Variants in LRP1B observed in about 807,000 individuals in gnomAD.
LRP1B encodes the protein LDL receptor related protein 1B.
In LRP1B, 217 loss-of-function variants were observed where a neutral mutation model predicts 556.6. That is an observed-to-expected ratio of 0.39 (90% CI 0.35 to 0.44). The LOEUF is 0.44. Among genes scored for constraint, LRP1B ranks in the 20% least tolerant of loss-of-function variants. The pLI is 1.00. For missense variants in LRP1B, 5,053 were observed against 5,620.8 expected, an observed-to-expected ratio of 0.90 and a Z score of 3.23; for synonymous variants, 2,047 against 1,865.8, an observed-to-expected ratio of 1.10 and a Z score of -2.50.
chr2:142,016,820 G>GTA (rs914337425), intron 1 of LRP1B, among the ~76,000 whole-genome samples: 9 of 113,052 alleles, frequency 8.0e-5, no homozygotes, highest in African/African-American at 2.0e-4. Flanking sequence ...AGAACTTAAA[G>GTA]TATATATATA....
intron 1 of LRP1B, among the ~76,000 whole-genome samples, chr2:141,822,512 A>G (rs1696788240): frequency 6.6e-6 from 1 of 152,118 alleles, no homozygotes; most frequent in Non-Finnish European, 1.5e-5. Flanking sequence ...CCAATCTCCC[A>G]TGGGATACCA....
intron 25 of LRP1B, among the ~76,000 whole-genome samples, chr2:140,877,842 A>G (rs1208131329): frequency 6.6e-6 from 1 of 152,172 alleles, no homozygotes; most frequent in Non-Finnish European, 1.5e-5. Context: ...CCTTTGGCAC[A>G]TGTCATCAGG....
chr2:141,142,921 C>CTTTTTTTTTTTTTTTTTTTTTTTT (rs35543111), intron 7 of LRP1B, among the ~76,000 whole-genome samples: 2 of 101,434 alleles, frequency 2.0e-5, no homozygotes, highest in Non-Finnish European at 3.7e-5. Flanking sequence ...TGTCTGATTA[C>CTTTTTTTTTTTTTTTTTTTTTTTT]TTTTTTTTTT....
intron 11 of LRP1B, among the ~76,000 whole-genome samples, chr2:141,025,061 G>T (rs1226167687): frequency 6.6e-6 from 1 of 152,070 alleles, no homozygotes; most frequent in African/African-American, 2.4e-5. Flanking sequence ...GATCCATGGA[G>T]AAATGTCTCA....
intron 3 of LRP1B, among the ~76,000 whole-genome samples, chr2:141,350,261 A>G (rs546509257): frequency 1.1e-4 from 17 of 152,048 alleles, no homozygotes; most frequent in African/African-American, 4.1e-4. Context: ...GAATATGAAA[A>G]CCATTTCAAT....
intron 19 of LRP1B, among the ~76,000 whole-genome samples, chr2:140,950,826 G>GTT (rs34211812): frequency 5.0e-5 from 7 of 141,332 alleles, no homozygotes; most frequent in South Asian, 4.6e-4. Flanking sequence ...ATATAAAGTT[G>GTT]TTTTTTTTTT....
chr2:140,384,701 G>A (rs1314432689), intron 67 of LRP1B, among the ~76,000 whole-genome samples: 4 of 152,046 alleles, frequency 2.6e-5, no homozygotes. Flanking sequence ...GGTTTATTAA[G>A]GCTTTCACTC....
At chr2:141,864,884 A>AAAAC (rs151234395) in intron 1 of LRP1B, among the ~76,000 whole-genome samples, 11,769 of 151,182 alleles carry the variant, frequency 0.078, 582 homozygotes, top group Non-Finnish European at 0.12. Flanking sequence ...TCTGTCTCAA[A>AAAAC]AAACAAACAA....
intron 4 of LRP1B, 64 bp downstream of exon 4, chr2:141,254,458 G>T (rs431809): frequency 0.22 from 340,674 of 1,538,862 alleles, 38,297 homozygotes; most frequent in South Asian, 0.27. Flanking sequence ...AAAGATGTCT[G>T]CTTACATTTC....
At chr2:141,374,007 T>A (rs922890765) in intron 3 of LRP1B, among the ~76,000 whole-genome samples, 2 of 152,144 alleles carry the variant, frequency 1.3e-5, no homozygotes, top group Non-Finnish European at 2.9e-5. Context: ...TTCATTTACA[T>A]GTTTAAGATC....
intron 84 of LRP1B, among the ~76,000 whole-genome samples, chr2:140,275,679 G>A (rs1015913796): frequency 6.6e-6 from 1 of 151,932 alleles, no homozygotes; most frequent in African/African-American, 2.4e-5. Context: ...CATCATTCAT[G>A]GGGAATAATA....
intron 84 of LRP1B, among the ~76,000 whole-genome samples, chr2:140,275,425 C>T (rs2839772): frequency 0.53 from 80,277 of 151,836 alleles, 24,243 homozygotes; most frequent in Non-Finnish European, 0.68. Flanking sequence ...ATGACGGTCT[C>T]AATCACTAAC....
chr2:140,617,941 T>C (rs574086117), intron 41 of LRP1B, among the ~76,000 whole-genome samples: 6 of 152,030 alleles, frequency 3.9e-5, no homozygotes, highest in Non-Finnish European at 8.8e-5. Context: ...TAGGAAATCC[T>C]GTGAACTAAG....
At chr2:141,713,036 T>C (rs1304358572) in intron 2 of LRP1B, among the ~76,000 whole-genome samples, 3 of 151,822 alleles carry the variant, frequency 2.0e-5, no homozygotes, top group East Asian at 1.9e-4. Context: ...CTAACCTCCA[T>C]TGAACATGTA....
intron 1 of LRP1B, among the ~76,000 whole-genome samples, chr2:142,118,399 C>T (rs1707345887): frequency 6.6e-6 from 1 of 152,128 alleles, no homozygotes; most frequent in Admixed American, 6.6e-5. Context: ...TCAGGTGTCT[C>T]CCCAGCTTCA....
intron 14 of LRP1B, among the ~76,000 whole-genome samples, chr2:141,012,067 T>G (rs1288150894): frequency 3.3e-5 from 5 of 152,004 alleles, no homozygotes; most frequent in African/African-American, 1.2e-4. Context: ...AGGAAAGTAT[T>G]TCTTATTTTT....
rs1019002133 is a variant in LRP1B, at chr2:140,325,841, C to A, written c.12261G>T (p.Trp4087Cys). 3 of 1,612,814 alleles carry A rather than the reference C, an allele frequency of 1.9e-6. No individual in the cohort carries two copies. The highest frequency in any genetic ancestry group is 2.5e-6 in the Non-Finnish European group (3 of 1,179,346). The change falls in exon 80 of 91, where the codon TGG (tryptophan) becomes TGT (cysteine). Residue 4087 changes from tryptophan to cysteine, a missense_variant. Physicochemically the swap from Trp to Cys is radical, Grantham distance 215 (BLOSUM62 -2). This residue lies in a region of LRP1B where 22 missense variants were observed against 53.4 expected (regional missense o/e 0.41). Coordinates refer to ENST00000389484, the MANE Select transcript of LRP1B (RefSeq NM_018557.3). Reference protein sequence around the residue: ...AVDYFSERIYWADFELSIIGS... With the variant: ...AVDYFSERIYCADFELSIIGS... ...CAATGATGGAGAGCTCAAAGTCAGC[C>A]CAATATATGCGTTCACTAAAATAAT...
At chr2:140,665,517 T>G (rs1007123999) in intron 41 of LRP1B, among the ~76,000 whole-genome samples, 2 of 152,188 alleles carry the variant, frequency 1.3e-5, no homozygotes, top group Non-Finnish European at 2.9e-5. Flanking sequence ...TAAATTTAAG[T>G]CTTAATTATT....
chr2:141,268,434 G>A (rs1407161650), intron 3 of LRP1B, among the ~76,000 whole-genome samples: 3 of 152,036 alleles, frequency 2.0e-5, no homozygotes, highest in African/African-American at 7.2e-5. Context: ...AGAGATGATG[G>A]TCAGGGCAGC....
Sources: allele counts gnomAD v4.1 joint callset (sites outside exome capture counted in the v4.1 genomes callset), GRCh38; gene constraint gnomAD v4.1.1; regional missense constraint gnomAD v4.1.1; transcripts MANE v1.5; gene names NCBI Gene and HGNC (gene_info 2026-07-23, HGNC 2026-07-21).